CLNK: variants seen among roughly 807,000 people sequenced by gnomAD.
CLNK encodes cytokine-dependent hematopoietic cell linker.
A neutral mutation model predicts 68.6 loss-of-function variants in CLNK; 74 were observed. The observed-to-expected ratio is 1.08, with a 90% confidence interval of 0.89 to 1.31. The LOEUF (loss-of-function observed/expected upper bound fraction) is 1.31. Among genes scored for constraint, CLNK ranks in the 50% most tolerant of loss-of-function variants. CLNK has a pLI of 0.00. For missense variants in CLNK, 553 were observed against 515.3 expected, an observed-to-expected ratio of 1.07 and a Z score of -0.71; for synonymous variants, 198 against 172.2, an observed-to-expected ratio of 1.15 and a Z score of -1.17.
At chr4:10,537,328 A>G (rs1402120528) in intron 11 of CLNK, among the ~76,000 whole-genome samples, 1 of 152,138 alleles carries the variant, frequency 6.6e-6, no homozygotes, top group African/African-American at 2.4e-5. Context: ...AAATATAAAA[A>G]TTAGCTGAGT....
chr4:10,567,003 G>A (rs1484974345), intron 5 of CLNK, among the ~76,000 whole-genome samples: 1 of 151,868 alleles, frequency 6.6e-6, no homozygotes, highest in African/African-American at 2.4e-5. Context: ...TGGATTGGGA[G>A]ACTTAATCTT....
intron 1 of CLNK, among the ~76,000 whole-genome samples, chr4:10,675,175 G>A (rs1022487553): frequency 6.6e-6 from 1 of 152,134 alleles, no homozygotes; most frequent in Admixed American, 6.6e-5. Context: ...GGATTTGAGG[G>A]TTAAAGAATC....
chr4:10,674,775 T>C (rs1212946927), intron 1 of CLNK, among the ~76,000 whole-genome samples: 4 of 152,170 alleles, frequency 2.6e-5, no homozygotes, highest in African/African-American at 9.7e-5. Context: ...ATTAAGTAAT[T>C]TGTGGTTTGA....
At chr4:10,575,014 G>A (rs1720506777) in intron 4 of CLNK, among the ~76,000 whole-genome samples, 1 of 152,134 alleles carries the variant, frequency 6.6e-6, no homozygotes, top group South Asian at 2.1e-4. Context: ...CAAAACTCCT[G>A]GCAGAATAGA....
chr4:10,734,258 T>A, the CLNK span, among the ~76,000 whole-genome samples: 1 of 152,234 alleles, frequency 6.6e-6, no homozygotes, highest in Non-Finnish European at 1.5e-5. Context: ...AACCTGGGCA[T>A]TTTGTTGCAT....
intron 6 of CLNK, among the ~76,000 whole-genome samples, chr4:10,565,306 C>T (rs1000606810): frequency 6.6e-6 from 1 of 152,190 alleles, no homozygotes; most frequent in African/African-American, 2.4e-5. Context: ...CAAGAAAAGT[C>T]ATCATCATTT....
At chr4:10,629,099 C>G (rs1000516522) in intron 2 of CLNK, among the ~76,000 whole-genome samples, 2 of 152,150 alleles carry the variant, frequency 1.3e-5, no homozygotes, top group South Asian at 4.2e-4. Flanking sequence ...AGCTCCCATG[C>G]CCCCATTCTT....
intron 1 of CLNK, among the ~76,000 whole-genome samples, chr4:10,669,542 G>A (rs187397960): frequency 6.2e-4 from 95 of 152,302 alleles, no homozygotes; most frequent in African/African-American, 2.2e-3. Flanking sequence ...TGGTGAAACT[G>A]GAAGGGTTGG....
At chr4:10,519,321 G>T (rs1245127619) in intron 15 of CLNK, among the ~76,000 whole-genome samples, 2 of 152,124 alleles carry the variant, frequency 1.3e-5, no homozygotes, top group Non-Finnish European at 2.9e-5. Flanking sequence ...ATTTGTGCAT[G>T]ATTTTATATT....
upstream of CLNK, among the ~76,000 whole-genome samples, chr4:10,687,410 G>C (rs1725306846): frequency 6.6e-6 from 1 of 152,084 alleles, no homozygotes; most frequent in Non-Finnish European, 1.5e-5. Context: ...CTGAGGTGTT[G>C]ACAATAGGTA....
chr4:10,644,825 C>T (rs1723448885), intron 2 of CLNK, among the ~76,000 whole-genome samples: 1 of 152,178 alleles, frequency 6.6e-6, no homozygotes, highest in South Asian at 2.1e-4. Context: ...TTCTCAATTC[C>T]TGCCCTGCAC....
At chr4:10,719,870 T>C in the CLNK span, among the ~76,000 whole-genome samples, 4 of 152,046 alleles carry the variant, frequency 2.6e-5, no homozygotes, top group Non-Finnish European at 5.9e-5. Flanking sequence ...ACAGAGCCAA[T>C]GTGGAATCAA....
Position 10,526,487 on chromosome 4 carries a change from C to T in CLNK, c.650-565G>A, listed in dbSNP as rs116652729. On this transcript the variant is annotated intron_variant, in intron 13 of 18. Coordinates refer to ENST00000226951, the MANE Select transcript of CLNK (RefSeq NM_052964.4). ...TACTTTGGGATACAGAGTGACTATA[C>T]GTATGGCTAAAAAAGACCTTTCTGA... Among the ~76,000 whole-genome samples the T allele has an allele frequency of 4.6e-3, 698 of 152,248 alleles. 6 individuals are homozygous for T. In the Middle Eastern group the frequency reaches 0.054, roughly 12 times the overall value.
At chr4:10,631,352 G>A (rs375519157) in intron 2 of CLNK, among the ~76,000 whole-genome samples, 4 of 152,172 alleles carry the variant, frequency 2.6e-5, no homozygotes, top group Non-Finnish European at 4.4e-5. Context: ...GGTGGCACTC[G>A]GTAAGTAGAA....
chr4:10,606,768 C>G lies in CLNK; in HGVS notation c.12-8719G>C, dbSNP rs532782662. 1.5e-3 allele frequency among the ~76,000 whole-genome samples: 230 copies of G among 152,046 alleles called. 1 individual carries two copies. Among genetic ancestry groups the G allele is most frequent in the Non-Finnish European group, 2.4e-3 (161 of 67,972 alleles). ...AATGTTATATGGTGCATGACTGTAT[C>G]TATATATCTATATCTATATCTATAT... On this transcript the variant is annotated intron_variant, in intron 2 of 18. Coordinates refer to ENST00000226951, the MANE Select transcript of CLNK (RefSeq NM_052964.4).
intron 1 of CLNK, among the ~76,000 whole-genome samples, chr4:10,680,225 G>A (rs889830199): frequency 6.6e-6 from 1 of 151,962 alleles, no homozygotes; most frequent in South Asian, 2.1e-4. Context: ...TAGGGACATG[G>A]ATGAAGCTGG....
chr4:10,644,874 G>C (rs140729152), intron 2 of CLNK, among the ~76,000 whole-genome samples: 222 of 152,200 alleles, frequency 1.5e-3, no homozygotes, highest in African/African-American at 5.1e-3. Context: ...ACTTATGCTG[G>C]GGATTCATAT....
intron 2 of CLNK, among the ~76,000 whole-genome samples, chr4:10,645,395 C>G (rs1287032882): frequency 6.6e-6 from 1 of 152,146 alleles, no homozygotes; most frequent in East Asian, 1.9e-4. Context: ...ACTTTTAACC[C>G]TATTGTTTTG....
At chr4:10,513,897 G>A (rs1001936961) in intron 15 of CLNK, among the ~76,000 whole-genome samples, 5 of 140,814 alleles carry the variant, frequency 3.6e-5, no homozygotes, top group African/African-American at 1.0e-4. Flanking sequence ...TAGGGTACAT[G>A]TGCACATTGT....
Sources: gnomAD v4.1 joint callset for allele counts (sites outside exome capture counted in the v4.1 genomes callset) on GRCh38, gnomAD v4.1.1 for gene constraint, MANE v1.5 for transcripts, NCBI Gene and HGNC (gene_info 2026-07-23, HGNC 2026-07-21) for gene names.